The following PLCB1 variants were observed in gnomAD, a reference collection of about 807,000 sequenced individuals.
PLCB1 encodes the protein phospholipase C beta 1, also known as 1-phosphatidylinositol 4,5-bisphosphate phosphodiesterase beta-1.
A neutral mutation model predicts 161.8 loss-of-function variants in PLCB1; 46 were observed. That is an observed-to-expected ratio of 0.28 (90% CI 0.22 to 0.36). The LOEUF is 0.36. Among genes scored for constraint, PLCB1 ranks in the 10% least tolerant of loss-of-function variants. The pLI is 1.00. For synonymous variants in PLCB1, 517 were observed against 503.7 expected (o/e 1.03, Z -0.35); for missense variants, 1,016 against 1,472.5 (o/e 0.69, Z 5.07).
chr20:8,811,535 C>G (rs1984820127), intron 31 of PLCB1, among the ~76,000 whole-genome samples: 1 of 152,156 alleles, frequency 6.6e-6, no homozygotes, highest in African/African-American at 2.4e-5. Context: ...GATATTTCAC[C>G]TACATTAATG....
At chr20:8,425,415 A>C (rs114290765) in intron 3 of PLCB1, among the ~76,000 whole-genome samples, 3,592 of 152,180 alleles carry the variant, frequency 0.024, 138 homozygotes, top group African/African-American at 0.075. Context: ...CTCCTGCCTC[A>C]ATCATGTTAT....
rs998611060 is a variant in PLCB1 at position 8,253,163 on chromosome 20, G to A, written c.177+102792G>A. ...TCTATTGAAACGACAGAAACTCTTG[G>A]CCCACTCACCAAGCTGGAATTCAGA... is the stretch of plus-strand genomic sequence containing the variant. On this transcript the variant is annotated intron_variant, in intron 2 of 31. Transcript: ENST00000338037. Among the ~76,000 whole-genome samples, 5 of 151,560 alleles carry A rather than the reference G, an allele frequency of 3.3e-5. No homozygotes were observed. In the East Asian group the frequency reaches 9.8e-4, roughly 30 times the overall value.
At chr20:8,254,088 A>G (rs75148699) in intron 2 of PLCB1, among the ~76,000 whole-genome samples, 1 of 151,942 alleles carries the variant, frequency 6.6e-6, no homozygotes. Flanking sequence ...TTTATACTAA[A>G]CAATATGTTT....
At chr20:8,516,752 T>G (rs1984144406) in intron 3 of PLCB1, among the ~76,000 whole-genome samples, 1 of 146,114 alleles carries the variant, frequency 6.8e-6, no homozygotes, top group African/African-American at 2.5e-5. Flanking sequence ...CAGTCACCTG[T>G]AAGAGTTTTT....
At chr20:8,509,656 A>G (rs1003065270) in intron 3 of PLCB1, among the ~76,000 whole-genome samples, 3 of 152,134 alleles carry the variant, frequency 2.0e-5, no homozygotes, top group African/African-American at 7.2e-5. Context: ...CAGTTAAAAA[A>G]TAGATTAGAT....
At chr20:8,494,372 A>T (rs1318173968) in intron 3 of PLCB1, among the ~76,000 whole-genome samples, 2 of 152,300 alleles carry the variant, frequency 1.3e-5, no homozygotes, top group East Asian at 3.9e-4. Context: ...CAGGAAATTA[A>T]CTCAAATTAC....
chr20:8,481,059 G>A (rs973931703), intron 3 of PLCB1, among the ~76,000 whole-genome samples: 4 of 152,048 alleles, frequency 2.6e-5, no homozygotes, highest in Admixed American at 6.6e-5. Flanking sequence ...AGCCAAGAGC[G>A]CACCACTGCA....
intron 2 of PLCB1, among the ~76,000 whole-genome samples, chr20:8,238,029 CG>C (rs1174400876): frequency 2.3e-4 from 35 of 152,052 alleles, no homozygotes; most frequent in African/African-American, 8.0e-4. Flanking sequence ...TTCTCAAAGA[CG>C]AAAATGAATG....
At chr20:8,633,891 G>A (rs1240465085) in intron 4 of PLCB1, among the ~76,000 whole-genome samples, 4 of 151,848 alleles carry the variant, frequency 2.6e-5, no homozygotes, top group Non-Finnish European at 4.4e-5. Context: ...AAGTCTTTTT[G>A]GTCTGACTTC....
At chr20:8,157,450 G>A (rs999990101) in intron 2 of PLCB1, among the ~76,000 whole-genome samples, 3 of 152,138 alleles carry the variant, frequency 2.0e-5, no homozygotes, top group Non-Finnish European at 4.4e-5. Context: ...GTGTTTTTGA[G>A]GATAGTTTAG....
At chr20:8,393,813 G>A (rs1987681284) in intron 3 of PLCB1, among the ~76,000 whole-genome samples, 1 of 152,048 alleles carries the variant, frequency 6.6e-6, no homozygotes. Flanking sequence ...TTATTATGAA[G>A]TTAACCACAC....
chr20:8,303,361 C>T (rs1009857705), intron 2 of PLCB1, among the ~76,000 whole-genome samples: 4 of 152,150 alleles, frequency 2.6e-5, no homozygotes, highest in East Asian at 3.9e-4. Flanking sequence ...TACTTACCCT[C>T]CTGAGCAGAC....
In PLCB1 at chr20:8,471,512, C is replaced by A. The variant is rs75949559; in HGVS notation, c.246+100062C>A. Among the ~76,000 whole-genome samples the A allele has an allele frequency of 8.0e-3, 1,219 of 152,148 alleles. 21 individuals are homozygous for A. The highest frequency in any genetic ancestry group is 0.027 in the African/African-American group (1,135 of 41,490). On this transcript the variant is annotated intron_variant, in intron 3 of 31. Coordinates refer to ENST00000338037, the MANE Select transcript of PLCB1 (RefSeq NM_015192.4). ...GCAGCAATTGTTAAGTTACGTGTTA[C>A]AAACTCAGAATTAATATGGGAAGGA...
At chr20:8,440,001 G>A (rs1980484272) in intron 3 of PLCB1, among the ~76,000 whole-genome samples, 1 of 152,056 alleles carries the variant, frequency 6.6e-6, no homozygotes, top group African/African-American at 2.4e-5. Context: ...GGGTACATAA[G>A]GCAGTTATAC....
At chr20:8,731,484 T>A (rs1336206837) in intron 18 of PLCB1, among the ~76,000 whole-genome samples, 2 of 151,962 alleles carry the variant, frequency 1.3e-5, no homozygotes, top group African/African-American at 4.8e-5. Flanking sequence ...TAAGTTTCAC[T>A]GTTGTGATAT....
rs1491529799 is a variant in PLCB1 at position 8,417,054 on chromosome 20, C to CACAT, written c.246+45605_246+45606insCATA. Among the ~76,000 whole-genome samples the CACAT allele has an allele frequency of 4.8e-3, 181 of 38,002 alleles. 3 individuals carry two copies. The highest frequency in any genetic ancestry group is 0.013 in the African/African-American group (160 of 12,052). 24.9% of individuals were successfully genotyped at this position (38,002 alleles called of 152,430 possible). A position where few individuals can be genotyped will look rare whatever the true frequency, so the allele number is the denominator to read the frequency against. ...ACACACACACACACACACACACACA[C>CACAT]ATATATATATATATATATATTTTTT... is the stretch of plus-strand genomic sequence containing the variant. On this transcript the variant is annotated intron_variant, in intron 3 of 31. Coordinates refer to ENST00000338037, the MANE Select transcript of PLCB1 (RefSeq NM_015192.4).
At chr20:8,386,324 C>G (rs1197632465) in intron 3 of PLCB1, among the ~76,000 whole-genome samples, 1 of 152,178 alleles carries the variant, frequency 6.6e-6, no homozygotes, top group Non-Finnish European at 1.5e-5. Flanking sequence ...CCATGGGCTA[C>G]AGAATGGATG....
At chr20:8,488,154 A>G (rs1982807848) in intron 3 of PLCB1, among the ~76,000 whole-genome samples, 1 of 152,232 alleles carries the variant, frequency 6.6e-6, no homozygotes, top group African/African-American at 2.4e-5. Flanking sequence ...AATTCTAAAA[A>G]TGCCCATTTG....
intron 3 of PLCB1, among the ~76,000 whole-genome samples, chr20:8,450,025 C>A (rs1981001741): frequency 6.6e-6 from 1 of 152,108 alleles, no homozygotes; most frequent in South Asian, 2.1e-4. Flanking sequence ...GAAATTTGTT[C>A]TTTGGAATTC....
Sources: gnomAD v4.1 joint callset for allele counts (sites outside exome capture counted in the v4.1 genomes callset) on GRCh38, gnomAD v4.1.1 for gene constraint, MANE v1.5 for transcripts, NCBI Gene and HGNC (gene_info 2026-07-23, HGNC 2026-07-21) for gene names.